Variants in COL5A2 observed in about 807,000 individuals in gnomAD.
COL5A2 encodes the protein collagen alpha-2(V) chain.
A neutral mutation model predicts 208.2 loss-of-function variants in COL5A2; 23 were observed. That is an observed-to-expected ratio of 0.11 (90% CI 0.08 to 0.16). COL5A2 has a LOEUF of 0.16. Ranked by LOEUF, COL5A2 falls within the 10% of genes least tolerant of loss-of-function variation. The pLI, the probability that COL5A2 is intolerant of heterozygous loss-of-function variation, is 1.00. For synonymous variants in COL5A2, 625 were observed against 628.5 expected (o/e 0.99, Z 0.08); for missense variants, 1,590 against 1,956.4 (o/e 0.81, Z 3.53).
chr2:189,410,683 T>C, the COL5A2 span, among the ~76,000 whole-genome samples: 1 of 152,304 alleles, frequency 6.6e-6, no homozygotes, highest in South Asian at 2.1e-4. Context: ...ATATATGGAC[T>C]TTAGTGATTT....
chr2:189,421,253 GA>G, the COL5A2 span, among the ~76,000 whole-genome samples: 1 of 151,774 alleles, frequency 6.6e-6, no homozygotes, highest in African/African-American at 2.4e-5. Context: ...CTCACCTTAC[GA>G]AACATAACTT....
chr2:189,181,357 C>T (rs557002367), upstream of COL5A2, among the ~76,000 whole-genome samples: 12 of 152,258 alleles, frequency 7.9e-5, no homozygotes, highest in East Asian at 2.3e-3. Context: ...CCACACTGTT[C>T]TCAGGGGTGC....
At chr2:189,110,735 T>C (rs1281936141) in intron 1 of COL5A2, among the ~76,000 whole-genome samples, 1 of 152,160 alleles carries the variant, frequency 6.6e-6, no homozygotes, top group African/African-American at 2.4e-5. Flanking sequence ...CTTGAAGGTA[T>C]GAATGATGAA....
At chr2:189,109,883 T>C (rs923002085) in intron 2 of COL5A2, among the ~76,000 whole-genome samples, 1 of 152,162 alleles carries the variant, frequency 6.6e-6, no homozygotes, top group African/African-American at 2.4e-5. Flanking sequence ...CTCTCAGGCA[T>C]TAATGGACTT....
the COL5A2 span, among the ~76,000 whole-genome samples, chr2:189,342,942 C>T: frequency 0.036 from 5,541 of 152,148 alleles, 117 homozygotes; most frequent in Admixed American, 0.05. Context: ...TATTTCTTTA[C>T]AATATTTCTT....
rs1687496522 is a variant in COL5A2 at position 189,121,379 on chromosome 2, G to T, written c.98-10930C>A. 3.9e-5 allele frequency among the ~76,000 whole-genome samples: 6 copies of T among 151,914 alleles called. 2 individuals carry two copies. The South Asian group carries it at 1.2e-3, about 32-fold the overall frequency. ...CCAGGATGGATCTGAAGGAGACCAGGTACTCCCTCTCAACCATGACTCTGA... is the reference window on the plus strand; with the variant it reads ...CCAGGATGGATCTGAAGGAGACCAGTTACTCCCTCTCAACCATGACTCTGA... On this transcript the variant is annotated intron_variant, in intron 1 of 53. Coordinates refer to ENST00000374866, the MANE Select transcript of COL5A2 (RefSeq NM_000393.5).
At chr2:189,201,025 T>A (rs970785979) in intron 1 of COL5A2, among the ~76,000 whole-genome samples, 4 of 152,004 alleles carry the variant, frequency 2.6e-5, no homozygotes, top group African/African-American at 9.7e-5. Context: ...CACACAAATA[T>A]AAGATCTTTA....
intron 1 of COL5A2, among the ~76,000 whole-genome samples, chr2:189,139,456 A>G (rs1687893258): frequency 6.6e-6 from 1 of 152,112 alleles, no homozygotes; most frequent in Non-Finnish European, 1.5e-5. Context: ...AGTACTCCTG[A>G]AAAATCGTCA....
chr2:189,397,647 T>G, the COL5A2 span, among the ~76,000 whole-genome samples: 1 of 152,060 alleles, frequency 6.6e-6, no homozygotes, highest in Non-Finnish European at 1.5e-5. Context: ...CTGTACAATC[T>G]GTGATGATGT....
chr2:189,288,469 C>A, the COL5A2 span, among the ~76,000 whole-genome samples: 2 of 151,904 alleles, frequency 1.3e-5, no homozygotes, highest in African/African-American at 4.8e-5. Flanking sequence ...AACTGTATAG[C>A]CTAGAAGAAA....
the COL5A2 span, among the ~76,000 whole-genome samples, chr2:189,312,391 G>A: frequency 8.5e-5 from 13 of 152,114 alleles, no homozygotes; most frequent in African/African-American, 2.2e-4. Context: ...CTGGTGGAGC[G>A]GGACATGGAG....
chr2:189,375,009 T>C, the COL5A2 span, among the ~76,000 whole-genome samples: 1 of 151,804 alleles, frequency 6.6e-6, no homozygotes, highest in African/African-American at 2.4e-5. Context: ...CGAATATTTA[T>C]ATTTTTATAT....
At position 189,036,622 on chromosome 2, in the gene COL5A2, C is replaced by T. The variant is rs751840720; in HGVS notation, c.4107G>A (p.Gly1369=). 8.7e-6 allele frequency: 14 copies of T among 1,611,066 alleles called. No individual in the cohort carries two copies. In the African/African-American group the frequency reaches 9.4e-5, roughly 11 times the overall value. The change falls in exon 52 of 54, where the codon GGG becomes GGA. Residue 1369 remains glycine (G), a synonymous_variant. Coordinates refer to ENST00000374866, the MANE Select transcript of COL5A2 (RefSeq NM_000393.5). The part of the protein sequence containing the change: ...PVWYGLDMNR[G]SQFAYGDHQS... Reference sequence around the variant, plus strand: ...AGTAAACATATTAAATTACCTGAGACCCTCTGTTCATATCAAGACCATACC... The same window carrying T: ...AGTAAACATATTAAATTACCTGAGATCCTCTGTTCATATCAAGACCATACC...
At chr2:189,278,385 G>C in the COL5A2 span, among the ~76,000 whole-genome samples, 2 of 151,986 alleles carry the variant, frequency 1.3e-5, no homozygotes, top group Non-Finnish European at 2.9e-5. Flanking sequence ...TTACCTTCTT[G>C]CCTGGTTAAT....
chr2:189,157,765 G>A (rs1036367054), intron 1 of COL5A2, among the ~76,000 whole-genome samples: 3 of 151,912 alleles, frequency 2.0e-5, no homozygotes, highest in South Asian at 2.1e-4. Flanking sequence ...ATTTCCTCTG[G>A]TATGTCTTGG....
upstream of COL5A2, among the ~76,000 whole-genome samples, chr2:189,181,390 A>G (rs1688777171): frequency 6.6e-6 from 1 of 152,184 alleles, no homozygotes; most frequent in Admixed American, 6.5e-5. Context: ...TGAATGGGCT[A>G]AGTAAGGACC....
the COL5A2 span, among the ~76,000 whole-genome samples, chr2:189,398,088 G>A: frequency 6.6e-6 from 1 of 152,058 alleles, no homozygotes; most frequent in African/African-American, 2.4e-5. Context: ...CAATCACTTA[G>A]AAATTTTCTA....
At chr2:189,105,743 A>C (rs554390427) in intron 2 of COL5A2, among the ~76,000 whole-genome samples, 45 of 151,600 alleles carry the variant, frequency 3.0e-4, no homozygotes, top group African/African-American at 9.9e-4. Context: ...GAAGACTATA[A>C]AGAAATTATC....
chr2:189,182,744 T>A (rs1688797586), upstream of COL5A2, among the ~76,000 whole-genome samples: 1 of 152,276 alleles, frequency 6.6e-6, no homozygotes, highest in Non-Finnish European at 1.5e-5. Context: ...TTACCTAATC[T>A]CATTTTATAA....
Sources: gnomAD v4.1 joint callset for allele counts (sites outside exome capture counted in the v4.1 genomes callset) on GRCh38, gnomAD v4.1.1 for gene constraint, MANE v1.5 for transcripts, NCBI Gene and HGNC (gene_info 2026-07-23, HGNC 2026-07-21) for gene names.